CUX2: variants seen among roughly 807,000 people sequenced by gnomAD.
CUX2 encodes the protein homeobox protein cut-like 2.
In CUX2, 40 loss-of-function variants were observed where a neutral mutation model predicts 144.8. That is an observed-to-expected ratio of 0.28 (90% CI 0.21 to 0.36). The LOEUF is 0.36. Among genes scored for constraint, CUX2 ranks in the 10% least tolerant of loss-of-function variants. The pLI is 1.00. For missense variants in CUX2, 1,615 were observed against 1,994.0 expected, an observed-to-expected ratio of 0.81 and a Z score of 3.62; for synonymous variants, 827 against 875.6, an observed-to-expected ratio of 0.94 and a Z score of 0.98.
At chr12:111,173,833 T>C (rs1253257198) in intron 1 of CUX2, among the ~76,000 whole-genome samples, 1 of 152,098 alleles carries the variant, frequency 6.6e-6, no homozygotes, top group Non-Finnish European at 1.5e-5. Context: ...GTCCAAGAAT[T>C]TGCATTTCTA....
At chr12:111,306,772 A>C in intron 10 of CUX2, 149 bp from the exon 11 acceptor site, 1 of 629,384 alleles carries the variant, frequency 1.6e-6, no homozygotes, top group Non-Finnish European at 2.8e-6. Flanking sequence ...TAAGTATACA[A>C]CACTTTGAAT....
At chr12:111,069,011 C>T (rs1462979789) in intron 1 of CUX2, among the ~76,000 whole-genome samples, 1 of 152,128 alleles carries the variant, frequency 6.6e-6, no homozygotes, top group Non-Finnish European at 1.5e-5. Flanking sequence ...GAGGCTGAGG[C>T]AGGAGAATTG....
intron 1 of CUX2, among the ~76,000 whole-genome samples, chr12:111,151,970 C>A (rs887865478): frequency 6.6e-6 from 1 of 152,122 alleles, no homozygotes; most frequent in Admixed American, 6.5e-5. Context: ...AGAAACCTCA[C>A]GTGCTCTGAA....
intron 10 of CUX2, 103 bp from the exon 11 acceptor site, chr12:111,306,818 A>T: frequency 2.2e-6 from 2 of 924,568 alleles, no homozygotes; most frequent in South Asian, 3.3e-5. Context: ...CATCATCCAG[A>T]TCAACAAATT....
chr12:111,111,792 G>C (rs563559381), intron 1 of CUX2, among the ~76,000 whole-genome samples: 17 of 152,194 alleles, frequency 1.1e-4, no homozygotes, highest in African/African-American at 3.6e-4. Flanking sequence ...TTCTGGACTT[G>C]AATTACAGAG....
At chr12:111,090,104 C>T (rs984401017) in intron 1 of CUX2, among the ~76,000 whole-genome samples, 4 of 152,126 alleles carry the variant, frequency 2.6e-5, no homozygotes, top group Non-Finnish European at 2.9e-5. Context: ...GTGATCTGAT[C>T]CCCGGTCCTG....
chr12:111,281,351 T>C (rs1885106596), intron 4 of CUX2, among the ~76,000 whole-genome samples: 1 of 151,732 alleles, frequency 6.6e-6, no homozygotes, highest in South Asian at 2.1e-4. Flanking sequence ...CTCCCACAGA[T>C]CTTCCCTGCT....
Position 111,178,273 on chromosome 12 carries a change from G to A in CUX2, c.64-35927G>A, listed in dbSNP as rs991647445. Among the ~76,000 whole-genome samples, 1 of 152,158 alleles carries A rather than the reference G, an allele frequency of 6.6e-6. No individual in the cohort carries two copies. The highest frequency in any genetic ancestry group is 1.5e-5 in the Non-Finnish European group (1 of 68,040). On this transcript the variant is annotated intron_variant, in intron 1 of 21. Coordinates refer to ENST00000261726, the MANE Select transcript of CUX2 (RefSeq NM_015267.4). The surrounding 1 kb of genome is among the most constrained non-coding windows in gnomAD (Gnocchi z 5.7). Reference sequence around the variant, plus strand: ...GTAATAAATCTTGCCCCGAAATCTCGGCAGCACATCTTGGCTGGAGTGTAT... The same window carrying A: ...GTAATAAATCTTGCCCCGAAATCTCAGCAGCACATCTTGGCTGGAGTGTAT...
At position 111,312,238 on chromosome 12, in the gene CUX2, C is replaced by G. The variant is rs4488258; in HGVS notation, c.2002+37C>G. The G allele has an allele frequency of 6.5e-7, 1 of 1,540,004 alleles. No individual in the cohort carries two copies. The highest frequency in any genetic ancestry group is 8.8e-7 in the Non-Finnish European group (1 of 1,130,154). On this transcript the variant is annotated intron_variant, in intron 16 of 21. Transcript: ENST00000261726. This position sits in a 1 kb window ranked among gnomAD's most constrained non-coding sequence, Gnocchi z 4.3. ...CCCTGCAGGCAAAGCCTGAGGCCCC[C>G]GGGGCCAGCTGCGAACAGGAGATGA...
chr12:111,187,041 A>T (rs1879585221), intron 1 of CUX2, among the ~76,000 whole-genome samples: 2 of 152,088 alleles, frequency 1.3e-5, no homozygotes, highest in Admixed American at 1.3e-4. Context: ...GGCCTCCTGA[A>T]GTGCTGGGAT....
At chr12:111,106,326 T>A (rs1873603745) in intron 1 of CUX2, among the ~76,000 whole-genome samples, 1 of 151,844 alleles carries the variant, frequency 6.6e-6, no homozygotes, top group Non-Finnish European at 1.5e-5. Context: ...CCAGCTAATA[T>A]TTTTATTTTT....
chr12:111,327,074 C>T (rs1887857264), intron 18 of CUX2, among the ~76,000 whole-genome samples: 1 of 152,196 alleles, frequency 6.6e-6, no homozygotes, highest in South Asian at 2.1e-4. Context: ...ACCCATCCAG[C>T]AGTCATTGCC....
intron 20 of CUX2, among the ~76,000 whole-genome samples, chr12:111,339,094 T>C (rs1243889269): frequency 6.6e-6 from 1 of 151,764 alleles, no homozygotes. Context: ...TAGCTGGGCA[T>C]GGTGGTGCAC....
intron 1 of CUX2, among the ~76,000 whole-genome samples, chr12:111,148,684 G>T (rs1876854558): frequency 6.6e-6 from 1 of 152,142 alleles, no homozygotes. Context: ...TAATCCTGAA[G>T]AAGTAGATAC....
In CUX2 at chr12:111,057,831, C is replaced by T. The variant is rs904102970; in HGVS notation, c.63+23591C>T. On this transcript the variant is annotated intron_variant, in intron 1 of 21. Transcript: ENST00000261726. This position sits in a 1 kb window ranked among gnomAD's most constrained non-coding sequence, Gnocchi z 5.1. ...AACTACCCAAGTGAATGCTTCAGTT[C>T]CTGGTGCTTTTGAAATGAATTTGAT... Among the ~76,000 whole-genome samples, 2 of 152,180 alleles carry T rather than the reference C, an allele frequency of 1.3e-5. No homozygotes were observed. Among genetic ancestry groups the T allele is most frequent in the African/African-American group, 4.8e-5 (2 of 41,432 alleles).
chr12:111,306,917 G>A lies in CUX2; in HGVS notation c.859-4G>A, dbSNP rs1417399914. 1.6e-5 allele frequency: 26 copies of A among 1,585,504 alleles called. No individual in the cohort carries two copies. Among genetic ancestry groups the A allele is most frequent in the Non-Finnish European group, 2.1e-5 (24 of 1,161,720 alleles). On this transcript the variant is annotated splice_region_variant and splice_polypyrimidine_tract_variant and intron_variant, in intron 10 of 21. Transcript: ENST00000261726. Reference sequence around the variant, plus strand: ...CAGCCCCTCAAAGACCCCTTTGCCTGCAGGATAAGGTGAACTTCACTCTGT... The same window carrying A: ...CAGCCCCTCAAAGACCCCTTTGCCTACAGGATAAGGTGAACTTCACTCTGT...
chr12:111,223,184 G>C (rs1881942535), intron 3 of CUX2, among the ~76,000 whole-genome samples: 1 of 152,066 alleles, frequency 6.6e-6, no homozygotes, highest in Non-Finnish European at 1.5e-5. Flanking sequence ...AAGATGGTGA[G>C]ACACCATCCC....
At chr12:111,230,956 A>G (rs1882436100) in intron 3 of CUX2, among the ~76,000 whole-genome samples, 2 of 152,226 alleles carry the variant, frequency 1.3e-5, no homozygotes, top group Non-Finnish European at 2.9e-5. Context: ...CTCAGAGCAC[A>G]GACAGCAGTG....
At chr12:111,184,573 C>CAA (rs71445536) in intron 1 of CUX2, among the ~76,000 whole-genome samples, 592 of 46,876 alleles carry the variant, frequency 0.013, 23 homozygotes, top group East Asian at 0.021. Flanking sequence ...TTCTCTCTAC[C>CAA]AAAAAAAAAA....
Sources: gnomAD v4.1 joint callset for allele counts (sites outside exome capture counted in the v4.1 genomes callset) on GRCh38, gnomAD v4.1.1 for gene constraint, Gnocchi (gnomAD v3.1) non-coding constraint, MANE v1.5 for transcripts, NCBI Gene and HGNC (gene_info 2026-07-23, HGNC 2026-07-21) for gene names.